DUSP29: variants seen among roughly 807,000 people sequenced by gnomAD.
The protein encoded by DUSP29 is dual specificity phosphatase 29, also known as atypical dual-specific protein phosphatase.
DUSP29 carries 12 observed loss-of-function variants against 13.5 expected under a neutral mutation model. The ratio of observed to expected loss-of-function variants is 0.89; its 90% CI spans 0.57 to 1.44. The LOEUF is 1.44. Among genes scored for constraint, DUSP29 ranks in the 40% most tolerant of loss-of-function variants. The pLI is 0.00. For synonymous variants in DUSP29, 134 were observed against 128.7 expected, an observed-to-expected ratio of 1.04 and a Z score of -0.28; for missense variants, 308 against 301.1, an observed-to-expected ratio of 1.02 and a Z score of -0.17.
Position 75,058,452 on chromosome 10 carries a change from C to T in DUSP29, c.63G>A (p.Ser21=), listed in dbSNP as rs753100176. 23 of 1,614,120 alleles carry T rather than the reference C, an allele frequency of 1.4e-5. No individual in the cohort carries two copies. Among genetic ancestry groups the T allele is most frequent in the East Asian group, 6.7e-5 (3 of 44,892 alleles). The change falls in exon 2 of 4, where the codon TCG becomes TCA. Residue 21 remains serine (S), a synonymous_variant. Coordinates refer to ENST00000338487, the MANE Select transcript of DUSP29 (RefSeq NM_001003892.3). ...KNAYSSAKRL[S]PKMEEEGEEE... is the part of the protein sequence containing the mutation. ...CCTCCCCTTCCTCCTCCATCTTCGG[C>T]GACAGCCTCTTGGCAGATGAGTAGG...
chr10:75,039,183 A>G (rs1005401852), intron 3 of DUSP29, among the ~76,000 whole-genome samples: 10 of 152,080 alleles, frequency 6.6e-5, no homozygotes, highest in Admixed American at 6.6e-5. Flanking sequence ...GCTTGGAGAT[A>G]CTTTTCTTCA....
chr10:75,070,070 AAAGG>A (rs71024533), intron 1 of DUSP29, among the ~76,000 whole-genome samples: 7,136 of 105,110 alleles, frequency 0.068, 400 homozygotes, highest in Non-Finnish European at 0.088. Context: ...AAGAAAGAAG[AAAGG>A]AAGGAAGGAA....
In DUSP29 at chr10:75,043,809, T is replaced by C. The variant is rs16931938; in HGVS notation, c.409A>G (p.Ser137Gly). Residue 137 changes from serine (S) to glycine (G), a missense_variant, in exon 3 of 4, where the codon AGC becomes GGC. Ser to Gly is a moderately conservative substitution (Grantham distance 56, BLOSUM62 0). Coordinates refer to ENST00000338487, the MANE Select transcript of DUSP29 (RefSeq NM_001003892.3). ...PAAAFIDRALSDDHSKILVHC... is the reference protein window; with the variant it reads ...PAAAFIDRALGDDHSKILVHC... ...GCGGGTCTCTTACTGTGGTCGTCGC[T>C]TAGCGCTCTGTCGATGAAGGCTGCC... 1 of 1,612,630 alleles carries C rather than the reference T, an allele frequency of 6.2e-7. No individual in the cohort carries two copies. Among genetic ancestry groups the C allele is most frequent in the African/African-American group, 1.3e-5 (1 of 74,700 alleles).
At chr10:75,065,456 G>A (rs1344920615) in intron 1 of DUSP29, among the ~76,000 whole-genome samples, 1 of 151,866 alleles carries the variant, frequency 6.6e-6, no homozygotes, top group Non-Finnish European at 1.5e-5. Flanking sequence ...AGCCTCCGGA[G>A]TAGCTGACAC....
chr10:75,071,103 C>T (rs1420659300), intron 1 of DUSP29, among the ~76,000 whole-genome samples: 1 of 152,220 alleles, frequency 6.6e-6, no homozygotes, highest in Non-Finnish European at 1.5e-5. Context: ...AGGGGCTACA[C>T]CCCGAAACTC....
At chr10:75,057,057 A>G (rs963763049) in intron 2 of DUSP29, among the ~76,000 whole-genome samples, 51 of 152,148 alleles carry the variant, frequency 3.4e-4, no homozygotes, top group Middle Eastern at 3.4e-3. Flanking sequence ...GGGCAGATCA[A>G]CTGAGGTCAG....
At chr10:75,067,155 T>A (rs1218877894) in intron 1 of DUSP29, among the ~76,000 whole-genome samples, 2 of 151,932 alleles carry the variant, frequency 1.3e-5, no homozygotes, top group Non-Finnish European at 2.9e-5. Context: ...AGATGGGGTT[T>A]CATCATGTTG....
At chr10:75,056,945 G>A (rs1307711917) in intron 2 of DUSP29, among the ~76,000 whole-genome samples, 4 of 152,128 alleles carry the variant, frequency 2.6e-5, no homozygotes, top group Admixed American at 6.5e-5. Context: ...ATGGCTAGAC[G>A]ATTATCTCCA....
intron 3 of DUSP29, among the ~76,000 whole-genome samples, chr10:75,043,072 G>A (rs1314417886): frequency 2.0e-5 from 3 of 152,270 alleles, no homozygotes; most frequent in African/African-American, 7.2e-5. Flanking sequence ...GACTAGCACT[G>A]TGATTTAAAA....
intron 1 of DUSP29, among the ~76,000 whole-genome samples, chr10:75,072,332 AG>A (rs2134311940): frequency 6.6e-6 from 1 of 152,266 alleles, no homozygotes; most frequent in East Asian, 1.9e-4. Flanking sequence ...AGAGCCCCAC[AG>A]CCTGCCCGTC....
At chr10:75,054,553 A>C (rs555254701) in intron 2 of DUSP29, among the ~76,000 whole-genome samples, 1 of 152,334 alleles carries the variant, frequency 6.6e-6, no homozygotes, top group South Asian at 2.1e-4. Flanking sequence ...CCAAAACCAA[A>C]AGTAATATTC....
At chr10:75,041,264 C>T (rs981794086) in intron 3 of DUSP29, among the ~76,000 whole-genome samples, 9 of 152,200 alleles carry the variant, frequency 5.9e-5, no homozygotes, top group Non-Finnish European at 1.3e-4. Context: ...TGTTTGGTTG[C>T]TCTGGCCACT....
intron 2 of DUSP29, among the ~76,000 whole-genome samples, chr10:75,046,246 C>A (rs1846704511): frequency 6.6e-6 from 1 of 152,158 alleles, no homozygotes; most frequent in Middle Eastern, 3.2e-3. Context: ...AGAAGTGATA[C>A]AATCTGGGTT....
At chr10:75,041,141 GC>G (rs1321709161) in intron 3 of DUSP29, among the ~76,000 whole-genome samples, 4 of 152,162 alleles carry the variant, frequency 2.6e-5, no homozygotes, top group African/African-American at 4.8e-5. Context: ...GCACTAAAAT[GC>G]CAAGCAGTGT....
Position 75,043,946 on chromosome 10 carries a change from C to T in DUSP29, c.272G>A (p.Arg91His). Residue 91 changes from arginine to histidine, a missense_variant, in exon 3 of 4, where the codon CGC (arginine) becomes CAC (histidine). By Grantham distance (29) the Arg-to-His change is conservative (BLOSUM62 0). Transcript: ENST00000338487. ...GTCGGGCCCAGTGTCCACGTTCCAG[C>T]GGCCGTGGGCCGCGTTCAGCACGTG... ...FTHVLNAAHG[R>H]WNVDTGPDYY... The T allele has an allele frequency of 1.2e-6, 2 of 1,613,616 alleles. No homozygotes were observed. Among genetic ancestry groups the T allele is most frequent in the East Asian group, 2.2e-5 (1 of 44,880 alleles).
At chr10:75,062,390 A>C (rs778258061) in intron 1 of DUSP29, among the ~76,000 whole-genome samples, 9 of 152,188 alleles carry the variant, frequency 5.9e-5, no homozygotes, top group Non-Finnish European at 1.3e-4. Flanking sequence ...TCCTTTGATC[A>C]CTGAAGCTGA....
chr10:75,054,868 C>T (rs1187591611), intron 2 of DUSP29, among the ~76,000 whole-genome samples: 1 of 151,844 alleles, frequency 6.6e-6, no homozygotes. Context: ...GAGACAGGGT[C>T]TCACTCTGTC....
At chr10:75,061,715 G>A (rs1331812600) in intron 1 of DUSP29, among the ~76,000 whole-genome samples, 1 of 152,222 alleles carries the variant, frequency 6.6e-6, no homozygotes, top group Non-Finnish European at 1.5e-5. Context: ...CCAGAATGCA[G>A]CTGCAGGCTG....
intron 2 of DUSP29, among the ~76,000 whole-genome samples, chr10:75,051,530 T>C (rs1024150611): frequency 2.6e-5 from 4 of 152,174 alleles, no homozygotes; most frequent in Non-Finnish European, 5.9e-5. Context: ...AGCTTCATCT[T>C]AGAGGTAAGT....
Sources: allele counts gnomAD v4.1 joint callset (sites outside exome capture counted in the v4.1 genomes callset), GRCh38; gene constraint gnomAD v4.1.1; transcripts MANE v1.5; gene names NCBI Gene and HGNC (gene_info 2026-07-23, HGNC 2026-07-21).